The following BEND4 variants were observed in gnomAD, a reference collection of about 807,000 sequenced individuals.
The protein encoded by BEND4 is BEN domain-containing protein 4.
A neutral mutation model predicts 54.7 loss-of-function variants in BEND4; 27 were observed. That is an observed-to-expected ratio of 0.49 (90% CI 0.36 to 0.68). BEND4 has a LOEUF of 0.68. Ranked by LOEUF, BEND4 falls within the 30% of genes least tolerant of loss-of-function variation. BEND4 has a pLI of 0.00. For synonymous variants in BEND4, 327 were observed against 299.5 expected, an observed-to-expected ratio of 1.09 and a Z score of -0.95; for missense variants, 702 against 697.2, an observed-to-expected ratio of 1.01 and a Z score of -0.08.
chr4:42,142,807 G>A (rs1361138772), intron 3 of BEND4, among the ~76,000 whole-genome samples: 1 of 152,040 alleles, frequency 6.6e-6, no homozygotes, highest in Non-Finnish European at 1.5e-5. Flanking sequence ...AAACGGTTTG[G>A]GGCCGGCTTA....
rs1719997822 is a variant in BEND4, at chr4:42,120,056, C to T, written c.1385G>A (p.Arg462Gln). The T allele has an allele frequency of 1.2e-6, 2 of 1,613,924 alleles. No homozygotes were observed. The highest frequency in any genetic ancestry group is 8.5e-7 in the Non-Finnish European group (1 of 1,179,854). Residue 462 changes from arginine (R) to glutamine (Q), a missense_variant and splice_region_variant, in exon 5 of 6, where the codon CGA becomes CAA. Physicochemically the swap from Arg to Gln is conservative, Grantham distance 43. Coordinates refer to ENST00000502486, the MANE Select transcript of BEND4 (RefSeq NM_207406.4). ...PLDPVKVTCL[R>Q]EFIRMHCTSN... Reference sequence around the variant, plus strand: ...CACTGAGCGGAAGGATGCAGTACCTCGGAGGCATGTTACTTTAACTGGATC... The same window carrying T: ...CACTGAGCGGAAGGATGCAGTACCTTGGAGGCATGTTACTTTAACTGGATC...
chr4:42,139,518 T>C (rs1032958282), intron 3 of BEND4, among the ~76,000 whole-genome samples: 2 of 151,886 alleles, frequency 1.3e-5, no homozygotes, highest in Non-Finnish European at 2.9e-5. Context: ...CATTTTTTCT[T>C]GTAGACTGAT....
chr4:42,137,259 C>T (rs1720728945), intron 3 of BEND4, among the ~76,000 whole-genome samples: 1 of 152,226 alleles, frequency 6.6e-6, no homozygotes, highest in East Asian at 1.9e-4. Context: ...GAGGGTCCTA[C>T]AAAAATATTA....
chr4:42,146,087 C>T (rs553823474), intron 2 of BEND4, among the ~76,000 whole-genome samples: 51 of 152,138 alleles, frequency 3.4e-4, no homozygotes, highest in Admixed American at 1.8e-3. Flanking sequence ...GCAGCAGGAC[C>T]GCCACCTGAC....
intron 3 of BEND4, among the ~76,000 whole-genome samples, chr4:42,141,506 C>T (rs1049160881): frequency 4.6e-5 from 7 of 152,124 alleles, no homozygotes; most frequent in South Asian, 2.1e-4. Context: ...CCAAGGCCGG[C>T]GGATCACCTG....
chr4:42,135,600 G>A (rs556569637), intron 3 of BEND4, among the ~76,000 whole-genome samples: 13 of 151,970 alleles, frequency 8.6e-5, no homozygotes, highest in Non-Finnish European at 1.8e-4. Flanking sequence ...GTGAAACCCC[G>A]TCTCTACTAA....
At chr4:42,131,637 G>A (rs1003134713) in intron 3 of BEND4, among the ~76,000 whole-genome samples, 11 of 152,050 alleles carry the variant, frequency 7.2e-5, no homozygotes, top group Admixed American at 2.6e-4. Context: ...GACCCAAGCC[G>A]GTGGATGCAC....
chr4:42,130,653 G>A (rs1469581514), intron 3 of BEND4, among the ~76,000 whole-genome samples: 1 of 152,058 alleles, frequency 6.6e-6, no homozygotes, highest in Non-Finnish European at 1.5e-5. Flanking sequence ...AAGACAATCT[G>A]GCAACTCCTC....
At chr4:42,145,586 G>A (rs1721049385) in intron 2 of BEND4, among the ~76,000 whole-genome samples, 1 of 151,864 alleles carries the variant, frequency 6.6e-6, no homozygotes, top group South Asian at 2.1e-4. Flanking sequence ...CAGCTACTCG[G>A]GGGGCTGAGG....
Position 42,116,180 on chromosome 4 carries a change from C to G in BEND4, c.*1338G>C, listed in dbSNP as rs1264561665. ...AATTTTCAAAAACCCTTGGTCATGTCTGTAGATGACATTAGTAGCCTTCAA... is the reference window on the plus strand; with the variant it reads ...AATTTTCAAAAACCCTTGGTCATGTGTGTAGATGACATTAGTAGCCTTCAA... On this transcript the variant is annotated 3_prime_UTR_variant, in exon 6 of 6. Coordinates refer to ENST00000502486, the MANE Select transcript of BEND4 (RefSeq NM_207406.4). 1 of 152,198 alleles carries G rather than the reference C, an allele frequency of 6.6e-6. No individual in the cohort carries two copies. The highest frequency in any genetic ancestry group is 2.4e-5 in the African/African-American group (1 of 41,446). 9.4% of individuals were successfully genotyped at this position (152,198 alleles called of 1,614,324 possible). A position where few individuals can be genotyped will look rare whatever the true frequency, so the allele number is the denominator to read the frequency against.
intron 3 of BEND4, among the ~76,000 whole-genome samples, chr4:42,135,758 G>C (rs556986018): frequency 2.6e-5 from 4 of 152,244 alleles, no homozygotes; most frequent in East Asian, 1.9e-4. Flanking sequence ...CTGGGCGACA[G>C]AGCAAGACTC....
At chr4:42,147,917 A>G (rs2153147859) in intron 2 of BEND4, among the ~76,000 whole-genome samples, 1 of 152,326 alleles carries the variant, frequency 6.6e-6, no homozygotes, top group African/African-American at 2.4e-5. Context: ...GAATTTGCCC[A>G]TCACAGCAGA....
Position 42,151,839 on chromosome 4 carries a change from G to A in BEND4, c.305C>T (p.Pro102Leu), listed in dbSNP as rs1430519755. 7.4e-7 allele frequency: 1 copy of A among 1,346,620 alleles called. No homozygotes were observed. Among genetic ancestry groups the A allele is most frequent in the Non-Finnish European group, 9.4e-7 (1 of 1,059,164 alleles). 83.4% of individuals were successfully genotyped at this position (1,346,620 alleles called of 1,614,324 possible). Residue 102 changes from proline (P) to leucine (L), a missense_variant, in exon 2 of 6, where the codon CCG (proline) becomes CTG (leucine). Coordinates refer to ENST00000502486, the MANE Select transcript of BEND4 (RefSeq NM_207406.4). ...CTGGGATGTGGCGGGCGTGCAGGAC[G>A]GCGACGACGACGAAGCGGCGGCGGC... is the stretch of plus-strand genomic sequence containing the variant. ...RAAAAASSSS[P>L]SCTPATSQGH... is the part of the protein sequence containing the mutation.
intron 3 of BEND4, among the ~76,000 whole-genome samples, chr4:42,137,281 C>CA (rs1031188477): frequency 6.6e-6 from 1 of 152,262 alleles, no homozygotes; most frequent in Non-Finnish European, 1.5e-5. Flanking sequence ...CAATACTCTT[C>CA]AACTAAGGGT....
In BEND4 at chr4:42,134,096, T is replaced by C. The variant is rs531779627; in HGVS notation, c.1055-8422A>G. On this transcript the variant is annotated intron_variant, in intron 3 of 5. Transcript: ENST00000502486. ...AGACTACTGAAATGGTCTTCGTAAA[T>C]AGTTTTCCTTGGGGGAAACTGCTCA... Among the ~76,000 whole-genome samples, 5 of 152,352 alleles carry C rather than the reference T, an allele frequency of 3.3e-5. No homozygotes were observed. The East Asian group carries it at 7.7e-4, about 23-fold the overall frequency.
chr4:42,152,285 C>T lies in BEND4; in HGVS notation c.-142G>A. 1 of 827,718 alleles carries T rather than the reference C, an allele frequency of 1.2e-6. No individual in the cohort carries two copies. Among genetic ancestry groups the T allele is most frequent in the Non-Finnish European group, 1.6e-6 (1 of 626,660 alleles). 51.3% of individuals were successfully genotyped at this position (827,718 alleles called of 1,614,324 possible). A position where few individuals can be genotyped will look rare whatever the true frequency, so the allele number is the denominator to read the frequency against. ...TGTGTGTCTGTGCCGTGGCCGCCGCCGCCGCCGCCTGTCGCTGAGGCTGGC... is the reference window on the plus strand; with the variant it reads ...TGTGTGTCTGTGCCGTGGCCGCCGCTGCCGCCGCCTGTCGCTGAGGCTGGC... On this transcript the variant is annotated 5_prime_UTR_variant, in exon 2 of 6. Coordinates refer to ENST00000502486, the MANE Select transcript of BEND4 (RefSeq NM_207406.4).
Position 42,151,745 on chromosome 4 carries a change from G to A in BEND4, c.399C>T (p.Ala133=), listed in dbSNP as rs1412807258. ...SPAASSSSSF[A]AVVRYGPGAA... ...CGCCTGGGCCATACCTGACGACAGC[G>A]GCGAACGAAGACGACGAGGAGGCGG... is the stretch of plus-strand genomic sequence containing the variant. The change falls in exon 2 of 6, where the codon GCC becomes GCT. Residue 133 remains alanine, a synonymous_variant. Coordinates refer to ENST00000502486, the MANE Select transcript of BEND4 (RefSeq NM_207406.4). 3 of 1,501,756 alleles carry A rather than the reference G, an allele frequency of 2.0e-6. No homozygotes were observed. The highest frequency in any genetic ancestry group is 2.2e-5 in the Admixed American group (1 of 46,110). 93.0% of individuals were successfully genotyped at this position (1,501,756 alleles called of 1,614,324 possible).
At chr4:42,136,250 A>G (rs1370678207) in intron 3 of BEND4, among the ~76,000 whole-genome samples, 2 of 152,120 alleles carry the variant, frequency 1.3e-5, no homozygotes, top group African/African-American at 4.8e-5. Context: ...ACTCATCTAC[A>G]CTGCATCTAC....
intron 3 of BEND4, among the ~76,000 whole-genome samples, chr4:42,129,296 CT>C (rs1186227517): frequency 2.0e-5 from 3 of 152,118 alleles, no homozygotes; most frequent in African/African-American, 7.2e-5. Flanking sequence ...AATGGAAAAA[CT>C]ATTCCATGCT....
Sources: gnomAD v4.1 joint callset for allele counts (sites outside exome capture counted in the v4.1 genomes callset) on GRCh38, gnomAD v4.1.1 for gene constraint, MANE v1.5 for transcripts, NCBI Gene and HGNC (gene_info 2026-07-23, HGNC 2026-07-21) for gene names.